Variants in FHIT observed in about 807,000 individuals in gnomAD.
FHIT encodes bis(5'-adenosyl)-triphosphatase.
A neutral mutation model predicts 17.9 loss-of-function variants in FHIT; 19 were observed. The observed-to-expected ratio is 1.06, with a 90% CI of 0.74 to 1.56. The LOEUF (loss-of-function observed/expected upper bound fraction) is 1.56, where lower values mean the gene tolerates loss of function less well. Ranked by LOEUF, FHIT falls within the 40% of genes most tolerant of loss-of-function variation. The pLI is 0.00. For missense variants in FHIT, 248 were observed against 189.2 expected (o/e 1.31, Z -1.82); for synonymous variants, 81 against 69.7 (o/e 1.16, Z -0.81).
chr3:60,568,262 G>C (rs2037214091), intron 4 of FHIT, among the ~76,000 whole-genome samples: 1 of 152,104 alleles, frequency 6.6e-6, no homozygotes, highest in South Asian at 2.1e-4. Context: ...ATACACCATG[G>C]AATACTATGC....
intron 5 of FHIT, among the ~76,000 whole-genome samples, chr3:60,177,415 T>C (rs897293694): frequency 6.6e-6 from 1 of 152,290 alleles, no homozygotes; most frequent in Admixed American, 6.5e-5. Context: ...TATTGGTAAC[T>C]CGTCTTATGA....
chr3:60,359,626 T>G (rs113993618), intron 5 of FHIT, among the ~76,000 whole-genome samples: 5,184 of 152,220 alleles, frequency 0.034, 217 homozygotes, highest in African/African-American at 0.1. Context: ...CCATGACCCC[T>G]TCACCAGAGC....
At chr3:60,508,453 G>C (rs1479382359) in intron 5 of FHIT, among the ~76,000 whole-genome samples, 3 of 152,150 alleles carry the variant, frequency 2.0e-5, no homozygotes, top group Admixed American at 2.0e-4. Context: ...GGTGGAAACT[G>C]TTATTACTGA....
intron 2 of FHIT, among the ~76,000 whole-genome samples, chr3:61,146,101 G>A (rs1217443729): frequency 6.6e-6 from 1 of 151,962 alleles, no homozygotes; most frequent in Non-Finnish European, 1.5e-5. Flanking sequence ...CACAGGAAAG[G>A]AGAAAGCACG....
At chr3:61,066,465 A>G (rs1453658172) in intron 2 of FHIT, among the ~76,000 whole-genome samples, 1 of 152,120 alleles carries the variant, frequency 6.6e-6, no homozygotes, top group East Asian at 1.9e-4. Flanking sequence ...AATACAAAAA[A>G]TTAGCCTTGC....
intron 3 of FHIT, among the ~76,000 whole-genome samples, chr3:60,942,133 C>A (rs1472886928): frequency 6.6e-6 from 1 of 152,152 alleles, no homozygotes; most frequent in African/African-American, 2.4e-5. Flanking sequence ...TAGGTGCCCA[C>A]AGCCATGCCT....
intron 4 of FHIT, among the ~76,000 whole-genome samples, chr3:60,722,437 T>G (rs1383752093): frequency 1.3e-5 from 2 of 152,206 alleles, no homozygotes; most frequent in African/African-American, 4.8e-5. Context: ...TCCTTGAAGA[T>G]TCACTAGATA....
chr3:60,049,677 A>G (rs1332039097), intron 5 of FHIT, among the ~76,000 whole-genome samples: 1 of 152,162 alleles, frequency 6.6e-6, no homozygotes, highest in Non-Finnish European at 1.5e-5. Context: ...ATGATCACCT[A>G]ATTCTTTAAA....
intron 7 of FHIT, among the ~76,000 whole-genome samples, chr3:59,931,800 A>T (rs1055837576): frequency 3.3e-5 from 5 of 152,160 alleles, no homozygotes; most frequent in African/African-American, 1.2e-4. Context: ...ATTGTGAGTT[A>T]TAATAATATA....
At chr3:60,637,062 G>C (rs576855745) in intron 4 of FHIT, among the ~76,000 whole-genome samples, 2 of 152,160 alleles carry the variant, frequency 1.3e-5, no homozygotes, top group African/African-American at 4.8e-5. Flanking sequence ...GATAGAGAGA[G>C]AAGAGAAGCT....
chr3:60,613,481 A>T (rs1553674485), intron 4 of FHIT, among the ~76,000 whole-genome samples: 1 of 152,144 alleles, frequency 6.6e-6, no homozygotes, highest in Non-Finnish European at 1.5e-5. Context: ...TAGCAAGTTA[A>T]CATGAAAACC....
intron 3 of FHIT, among the ~76,000 whole-genome samples, chr3:60,968,638 C>T (rs1709860850): frequency 6.6e-6 from 1 of 152,136 alleles, no homozygotes; most frequent in African/African-American, 2.4e-5. Context: ...GTCTCGAACT[C>T]CTGACCTCAT....
At position 59,748,132 on chromosome 3, in the gene FHIT, T is replaced by C. The variant is rs529053182; in HGVS notation, c.*1453A>G. Among the ~76,000 whole-genome samples, 133 of 152,296 alleles carry C rather than the reference T, an allele frequency of 8.7e-4. No homozygotes were observed. The highest frequency in any genetic ancestry group is 2.6e-3 in the Admixed American group (39 of 15,282). On this transcript the variant is annotated 3_prime_UTR_variant, in exon 10 of 10. Transcript: ENST00000492590. ...TATGCAGAGCTGGAAATCATCAGCA[T>C]TGTTTTTCTCTTATGTTTATTTTTA...
chr3:60,698,720 T>C (rs376029200), intron 4 of FHIT, among the ~76,000 whole-genome samples: 1 of 152,034 alleles, frequency 6.6e-6, no homozygotes, highest in Non-Finnish European at 1.5e-5. Flanking sequence ...TTACATTGTT[T>C]TATTGCTCCC....
intron 5 of FHIT, among the ~76,000 whole-genome samples, chr3:60,527,839 T>C (rs1037172195): frequency 1.3e-5 from 2 of 152,182 alleles, no homozygotes; most frequent in South Asian, 2.1e-4. Flanking sequence ...ACATGTGAAA[T>C]GTAACTGGAG....
chr3:59,942,181 C>A (rs535131970), intron 7 of FHIT, among the ~76,000 whole-genome samples: 3 of 152,178 alleles, frequency 2.0e-5, no homozygotes, highest in Non-Finnish European at 4.4e-5. Flanking sequence ...CTTTCTGAAC[C>A]TTTCACCGTA....
At chr3:60,223,021 A>T (rs957701194) in intron 5 of FHIT, among the ~76,000 whole-genome samples, 6 of 152,182 alleles carry the variant, frequency 3.9e-5, no homozygotes, top group African/African-American at 1.4e-4. Flanking sequence ...TTACTCCTTG[A>T]CTATTAAAAC....
At chr3:60,702,185 A>G (rs1445739403) in intron 4 of FHIT, among the ~76,000 whole-genome samples, 1 of 152,172 alleles carries the variant, frequency 6.6e-6, no homozygotes, top group African/African-American at 2.4e-5. Context: ...TTTACTGAAT[A>G]TTAACTTCAT....
intron 4 of FHIT, among the ~76,000 whole-genome samples, chr3:60,578,462 C>CACACAA (rs1283105984): frequency 3.3e-5 from 5 of 151,690 alleles, no homozygotes; most frequent in African/African-American, 1.2e-4. Context: ...CACACACACA[C>CACACAA]ACACACACAC....
Sources: allele counts gnomAD v4.1 joint callset (sites outside exome capture counted in the v4.1 genomes callset), GRCh38; gene constraint gnomAD v4.1.1; transcripts MANE v1.5; gene names NCBI Gene and HGNC (gene_info 2026-07-23, HGNC 2026-07-21).